JMY: variants seen among roughly 807,000 people sequenced by gnomAD.
JMY encodes junction mediating and regulatory protein, p53 cofactor, also known as junction-mediating and -regulatory protein.
In JMY, 46 loss-of-function variants were observed where a neutral mutation model predicts 103.3. The observed-to-expected ratio is 0.45, with a 90% CI of 0.35 to 0.57. JMY has a LOEUF of 0.57. Among genes scored for constraint, JMY ranks in the 20% least tolerant of loss-of-function variants. JMY has a pLI of 0.00. For missense variants in JMY, 1,238 were observed against 1,255.2 expected (o/e 0.99, Z 0.21); for synonymous variants, 526 against 489.3 (o/e 1.07, Z -0.99).
intron 1 of JMY, among the ~76,000 whole-genome samples, chr5:79,256,664 A>G (rs560712837): frequency 1.3e-5 from 2 of 152,242 alleles, no homozygotes; most frequent in East Asian, 1.9e-4. Flanking sequence ...TTGGCCTCCA[A>G]AAGTGGTGGG....
chr5:79,250,670 G>C (rs62366073), intron 1 of JMY, among the ~76,000 whole-genome samples: 3 of 114,762 alleles, frequency 2.6e-5, no homozygotes, highest in Non-Finnish European at 5.3e-5. Flanking sequence ...TTTTTTTTTG[G>C]CATATGAAGT....
chr5:79,267,736 G>A (rs761035756), intron 1 of JMY, among the ~76,000 whole-genome samples: 2 of 152,140 alleles, frequency 1.3e-5, no homozygotes, highest in Non-Finnish European at 2.9e-5. Flanking sequence ...TTTTCTTGCC[G>A]AACATTTCAT....
intron 6 of JMY, among the ~76,000 whole-genome samples, chr5:79,305,382 G>C (rs915397107): frequency 9.9e-5 from 15 of 152,030 alleles, no homozygotes; most frequent in African/African-American, 3.6e-4. Flanking sequence ...AACCTGGGAG[G>C]CGGAGGTTGC....
intron 1 of JMY, among the ~76,000 whole-genome samples, chr5:79,250,531 A>C (rs1298633469): frequency 1.3e-5 from 2 of 152,160 alleles, no homozygotes; most frequent in African/African-American, 2.4e-5. Flanking sequence ...ATAACTATTA[A>C]AGAAATGGTA....
chr5:79,240,694 C>A lies in JMY; in HGVS notation c.1032+3012C>A, dbSNP rs536503561. On this transcript the variant is annotated intron_variant, in intron 1 of 10. Coordinates refer to ENST00000396137, the MANE Select transcript of JMY (RefSeq NM_152405.5). ...CTTGACTTCTGCTGGAAGATTGTGTCTTTAGATTATATTGGGGGAGGGAGG... is the reference window on the plus strand; with the variant it reads ...CTTGACTTCTGCTGGAAGATTGTGTATTTAGATTATATTGGGGGAGGGAGG... Among the ~76,000 whole-genome samples the A allele has an allele frequency of 3.9e-5, 6 of 152,224 alleles. No homozygotes were observed. In the East Asian group the frequency reaches 1.2e-3, roughly 29 times the overall value.
At position 79,314,579 on chromosome 5, in the gene JMY, G is replaced by T. The variant is rs1034156907; in HGVS notation, c.2387G>T (p.Cys796Phe). 6.2e-7 allele frequency: 1 copy of T among 1,613,894 alleles called. No individual in the cohort carries two copies. The highest frequency in any genetic ancestry group is 1.7e-5 in the Admixed American group (1 of 59,994). ...LPLLNNNLEP[C>F]SVTINPLPSP... ...CTTTTGAATAACAACCTCGAACCAT[G>T]TTCTGTTACCATAAATCCACTCCCA... Residue 796 changes from cysteine (C) to phenylalanine (F), a missense_variant, in exon 9 of 11, where the codon TGT (cysteine) becomes TTT (phenylalanine). Physicochemically the swap from Cys to Phe is radical, Grantham distance 205 (BLOSUM62 -2). Transcript: ENST00000396137.
chr5:79,280,920 T>C lies in JMY; in HGVS notation c.1206+2837T>C, dbSNP rs557314617. On this transcript the variant is annotated intron_variant, in intron 2 of 10. Transcript: ENST00000396137. ...TAAGTTAAAAAATCTACTCAGACTT[T>C]TTAAATCTGGAGGAGCTAAAAAAAA... 2.0e-5 allele frequency among the ~76,000 whole-genome samples: 3 copies of C among 151,910 alleles called. No homozygotes were observed. The South Asian group carries it at 6.2e-4, about 32-fold the overall frequency.
At chr5:79,258,480 C>T (rs1745322769) in intron 1 of JMY, among the ~76,000 whole-genome samples, 1 of 151,992 alleles carries the variant, frequency 6.6e-6, no homozygotes, top group Non-Finnish European at 1.5e-5. Flanking sequence ...GCCTGGCAGG[C>T]TGTGCTCAGC....
intron 1 of JMY, among the ~76,000 whole-genome samples, chr5:79,249,978 T>C (rs1199362726): frequency 1.3e-5 from 2 of 152,188 alleles, no homozygotes; most frequent in Non-Finnish European, 2.9e-5. Context: ...AATAACTATA[T>C]ACCTACATCA....
chr5:79,316,774 C>T (rs757199183), intron 10 of JMY, among the ~76,000 whole-genome samples: 1 of 151,524 alleles, frequency 6.6e-6, no homozygotes, highest in African/African-American at 2.4e-5. Flanking sequence ...GGCGTGGTGG[C>T]GGGCATCTGT....
intron 1 of JMY, among the ~76,000 whole-genome samples, chr5:79,264,306 C>T (rs928706771): frequency 1.6e-4 from 24 of 151,898 alleles, no homozygotes; most frequent in African/African-American, 5.8e-4. Flanking sequence ...AGGCTGGTTT[C>T]GAACTCCTGG....
chr5:79,271,861 T>G (rs990674969), intron 1 of JMY, among the ~76,000 whole-genome samples: 5 of 152,096 alleles, frequency 3.3e-5, no homozygotes, highest in Non-Finnish European at 7.4e-5. Flanking sequence ...TAATCCTAAG[T>G]GCTTTGGGAG....
chr5:79,300,878 CT>C lies in JMY; in HGVS notation c.1881+19del, dbSNP rs753325220. ...GAAATAAAAAGGTATTTAAATATTG[CT>C]TTTGTTCATTATTTAGTCTTTTATC... On this transcript the variant is annotated intron_variant, in intron 6 of 10. Coordinates refer to ENST00000396137, the MANE Select transcript of JMY (RefSeq NM_152405.5). 3.2e-6 allele frequency: 5 copies of C among 1,566,144 alleles called. No individual in the cohort carries two copies. Among genetic ancestry groups the C allele is most frequent in the African/African-American group, 1.4e-5 (1 of 72,468 alleles).
In JMY at chr5:79,314,372, T is replaced by C; in HGVS notation, c.2180T>C (p.Val727Ala). ...QEDHCDSLPS[V>A]LQVEEKTEEV... Reference sequence around the variant, plus strand: ...GATCATTGTGACTCTTTACCAAGTGTGTTACAGGTAGAAGAGAAAACTGAA... The same window carrying C: ...GATCATTGTGACTCTTTACCAAGTGCGTTACAGGTAGAAGAGAAAACTGAA... The change falls in exon 9 of 11, where the codon GTG (valine) becomes GCG (alanine). Residue 727 changes from valine (V) to alanine (A), a missense_variant. Transcript: ENST00000396137. 6.2e-7 allele frequency: 1 copy of C among 1,614,092 alleles called. No individual in the cohort carries two copies. The highest frequency in any genetic ancestry group is 8.5e-7 in the Non-Finnish European group (1 of 1,179,998).
chr5:79,295,216 T>C (rs1378791719), intron 4 of JMY, among the ~76,000 whole-genome samples: 3 of 152,180 alleles, frequency 2.0e-5, no homozygotes, highest in Non-Finnish European at 4.4e-5. Context: ...AGTAGGGTAG[T>C]TTTCAGCCAT....
chr5:79,271,100 G>A (rs1745770560), intron 1 of JMY, among the ~76,000 whole-genome samples: 1 of 151,884 alleles, frequency 6.6e-6, no homozygotes, highest in Non-Finnish European at 1.5e-5. Flanking sequence ...GGGCCTTGCT[G>A]TGTTGCCCAG....
rs1256153793 is a variant in JMY at position 79,326,420 on chromosome 5, C to CTAAT, written c.*4821_*4824dup. ...CAAATTATTCCAGCTTTTCCCAATACTAATTATATTGGTTTTAAAAAGTCT... is the reference window on the plus strand; with the variant it reads ...CAAATTATTCCAGCTTTTCCCAATACTAATTAATTATATTGGTTTTAAAAAGTCT... On this transcript the variant is annotated 3_prime_UTR_variant, in exon 11 of 11. Transcript: ENST00000396137. The CTAAT allele has an allele frequency of 3.3e-5, 5 of 151,658 alleles. No homozygotes were observed. Among genetic ancestry groups the CTAAT allele is most frequent in the Non-Finnish European group, 1.5e-5 (1 of 67,926 alleles). The allele number at this position is 151,658 out of a possible 1,614,324, so 9.4% of individuals were successfully genotyped here. A position where few individuals can be genotyped will look rare whatever the true frequency, so the allele number is the denominator to read the frequency against.
chr5:79,271,411 T>C (rs1358247739), intron 1 of JMY, among the ~76,000 whole-genome samples: 1 of 152,164 alleles, frequency 6.6e-6, no homozygotes, highest in African/African-American at 2.4e-5. Flanking sequence ...TTAGGAAGTA[T>C]TCCCTCTACT....
At chr5:79,266,216 A>C (rs902395683) in intron 1 of JMY, among the ~76,000 whole-genome samples, 11 of 152,218 alleles carry the variant, frequency 7.2e-5, no homozygotes, top group African/African-American at 2.7e-4. Flanking sequence ...GAGTTTGATT[A>C]ATGTCTCTAC....
Sources: gnomAD v4.1 joint callset for allele counts (sites outside exome capture counted in the v4.1 genomes callset) on GRCh38, gnomAD v4.1.1 for gene constraint, MANE v1.5 for transcripts, NCBI Gene and HGNC (gene_info 2026-07-23, HGNC 2026-07-21) for gene names.